Variants in TP63 observed in about 807,000 individuals in gnomAD.
TP63 encodes tumor protein 63.
In TP63, 17 loss-of-function variants were observed where a neutral mutation model predicts 82.8. That is an observed-to-expected ratio of 0.21 (90% confidence interval 0.14 to 0.31). The LOEUF is 0.31. TP63 is among the 10% of genes least tolerant of loss of function. TP63 has a pLI of 1.00. For synonymous variants in TP63, 330 were observed against 321.7 expected (o/e 1.03, Z -0.28); for missense variants, 648 against 895.3 (o/e 0.72, Z 3.52).
the TP63 span, among the ~76,000 whole-genome samples, chr3:189,618,608 C>T: frequency 6.6e-6 from 1 of 152,088 alleles, no homozygotes; most frequent in Non-Finnish European, 1.5e-5. Flanking sequence ...TATTAACAGT[C>T]CCAGGTCTAT....
At chr3:189,840,949 A>G (rs1577078744) in intron 4 of TP63, among the ~76,000 whole-genome samples, 4 of 151,690 alleles carry the variant, frequency 2.6e-5, no homozygotes, top group Admixed American at 2.6e-4. Flanking sequence ...TTCATGCTCC[A>G]TTATATGTGT....
At chr3:189,782,865 A>G (rs1724332178) in intron 3 of TP63, among the ~76,000 whole-genome samples, 2 of 152,092 alleles carry the variant, frequency 1.3e-5, no homozygotes. Context: ...AAATTTTAAA[A>G]AATATTTTAA....
At chr3:189,851,764 A>C (rs535823707) in intron 4 of TP63, among the ~76,000 whole-genome samples, 1 of 152,208 alleles carries the variant, frequency 6.6e-6, no homozygotes, top group African/African-American at 2.4e-5. Flanking sequence ...CCAAGCAGGC[A>C]GACTTAAGAT....
In TP63 at chr3:189,699,470, A is replaced by G. The variant is rs548733085; in HGVS notation, c.63-38270A>G. On this transcript the variant is annotated intron_variant, in intron 1 of 13. Coordinates refer to ENST00000264731, the MANE Select transcript of TP63 (RefSeq NM_003722.5). ...TATTTTGTCTTGGAGTCGGAGAGGA[A>G]CTTAGAGAATGCATTAAATGATTCT... 1.5e-3 allele frequency among the ~76,000 whole-genome samples: 229 copies of G among 152,320 alleles called. 1 individual carries two copies. The highest frequency in any genetic ancestry group is 6.8e-3 in the Middle Eastern group (2 of 294).
intron 4 of TP63, among the ~76,000 whole-genome samples, chr3:189,834,888 C>CTTTTTTTT: frequency 7.2e-6 from 1 of 138,750 alleles, no homozygotes; most frequent in Non-Finnish European, 1.5e-5. Flanking sequence ...GGTTTTTTTC[C>CTTTTTTTT]TTTTTTTTTT....
intron 3 of TP63, among the ~76,000 whole-genome samples, chr3:189,794,342 A>G (rs1214511543): frequency 6.6e-6 from 1 of 152,024 alleles, no homozygotes; most frequent in Non-Finnish European, 1.5e-5. Context: ...ATAATACAGG[A>G]GAGATTTTAA....
intron 1 of TP63, among the ~76,000 whole-genome samples, chr3:189,711,180 A>G (rs1220484817): frequency 6.6e-6 from 1 of 152,132 alleles, no homozygotes; most frequent in East Asian, 1.9e-4. Context: ...CCATTACTTA[A>G]TCATTTACAG....
At position 189,805,633 on chromosome 3, in the gene TP63, G is replaced by A. The variant is rs75391570; in HGVS notation, c.325-2639G>A. On this transcript the variant is annotated intron_variant, in intron 3 of 13. Transcript: ENST00000264731. Reference sequence around the variant, plus strand: ...GCCTTCGGCCTTGGCCAGCCTTGCCGAGGCCCGCTCACCAGGAGAAATAGG... The same window carrying A: ...GCCTTCGGCCTTGGCCAGCCTTGCCAAGGCCCGCTCACCAGGAGAAATAGG... 6.6e-3 allele frequency among the ~76,000 whole-genome samples: 1,002 copies of A among 152,330 alleles called. 8 individuals are homozygous for A. Among genetic ancestry groups the A allele is most frequent in the African/African-American group, 0.023 (959 of 41,584 alleles).
At chr3:189,631,623 G>A in intron 1 of TP63, 46 bp downstream of exon 1, 2 of 1,611,708 alleles carry the variant, frequency 1.2e-6, no homozygotes, top group Non-Finnish European at 1.7e-6. Flanking sequence ...TAATTGAAGT[G>A]CCTTGTGTAT....
chr3:189,805,666 G>A (rs1296070094), intron 3 of TP63, among the ~76,000 whole-genome samples: 1 of 152,206 alleles, frequency 6.6e-6, no homozygotes, highest in African/African-American at 2.4e-5. Flanking sequence ...AGGAAGGAAG[G>A]CCAGTGAGTG....
intron 3 of TP63, among the ~76,000 whole-genome samples, chr3:189,758,366 G>A (rs1404173032): frequency 3.3e-5 from 5 of 152,172 alleles, no homozygotes; most frequent in Non-Finnish European, 7.3e-5. Flanking sequence ...GAATGGGGCC[G>A]GGGGCCCCTG....
rs574889276 is a variant in TP63 at position 189,651,476 on chromosome 3, G to A, written c.62+19899G>A. Among the ~76,000 whole-genome samples the A allele has an allele frequency of 2.1e-5, 3 of 145,376 alleles. No individual in the cohort carries two copies. The South Asian group carries it at 6.8e-4, about 33-fold the overall frequency. On this transcript the variant is annotated intron_variant, in intron 1 of 13. Coordinates refer to ENST00000264731, the MANE Select transcript of TP63 (RefSeq NM_003722.5). ...CAGGAGAATCGGTTGAACCCAGGAG[G>A]CAGAGGTTGCAGTGAGCTGAGATTA...
intron 1 of TP63, among the ~76,000 whole-genome samples, chr3:189,734,171 CT>C (rs57302272): frequency 0.075 from 6,315 of 84,560 alleles, 460 homozygotes; most frequent in African/African-American, 0.2. Context: ...TCCCTCCCTT[CT>C]TTTTTTTTTT....
intron 10 of TP63, among the ~76,000 whole-genome samples, chr3:189,883,160 A>G (rs1229948608): frequency 2.0e-5 from 3 of 149,208 alleles, no homozygotes; most frequent in Non-Finnish European, 4.4e-5. Flanking sequence ...ATTTCACTTA[A>G]GAACTATTGT....
At position 189,737,404 on chromosome 3, in the gene TP63, A is replaced by G. The variant is rs75548317; in HGVS notation, c.63-336A>G. ...TAGGTCAGGCTTGCTATCAAATTTA[A>G]TGAGGAAATGTTTATTTTCTTTTCA... On this transcript the variant is annotated intron_variant, in intron 1 of 13. Transcript: ENST00000264731. Among the ~76,000 whole-genome samples, 26,897 of 152,152 alleles carry G rather than the reference A, an allele frequency of 0.18. 2,418 individuals carry two copies. Among genetic ancestry groups the G allele is most frequent in the Admixed American group, 0.23 (3,490 of 15,284 alleles).
intron 3 of TP63, among the ~76,000 whole-genome samples, chr3:189,744,039 A>G (rs1276584904): frequency 6.6e-6 from 1 of 151,860 alleles, no homozygotes; most frequent in Admixed American, 6.6e-5. Flanking sequence ...CATTTCAAAA[A>G]CCCAGCCTCC....
intron 1 of TP63, among the ~76,000 whole-genome samples, chr3:189,665,651 A>G (rs1714321575): frequency 6.6e-6 from 1 of 152,092 alleles, no homozygotes; most frequent in Non-Finnish European, 1.5e-5. Context: ...CTGGAGTCAC[A>G]CTTCAGCCAC....
chr3:189,852,640 T>C (rs1715792290), intron 4 of TP63, among the ~76,000 whole-genome samples: 1 of 152,186 alleles, frequency 6.6e-6, no homozygotes, highest in Admixed American at 6.5e-5. Context: ...TCCTGATGGG[T>C]TTCCCCAATT....
Position 189,678,526 on chromosome 3 carries a change from C to T in TP63, c.62+46949C>T, listed in dbSNP as rs138661677. 1.6e-3 allele frequency among the ~76,000 whole-genome samples: 240 copies of T among 151,982 alleles called. 1 individual carries two copies. Among genetic ancestry groups the T allele is most frequent in the African/African-American group, 5.4e-3 (224 of 41,488 alleles). ...TTTAAGTAATATAACATGAAATCTC[C>T]GGCTTTGTTCTTTTTGCTAAGGATT... On this transcript the variant is annotated intron_variant, in intron 1 of 13. Transcript: ENST00000264731.
Sources: gnomAD v4.1 joint callset for allele counts (sites outside exome capture counted in the v4.1 genomes callset) on GRCh38, gnomAD v4.1.1 for gene constraint, MANE v1.5 for transcripts, NCBI Gene and HGNC (gene_info 2026-07-23, HGNC 2026-07-21) for gene names.